Variants in PCOLCE2 observed in about 807,000 individuals in gnomAD.
PCOLCE2 encodes procollagen C-endopeptidase enhancer 2, also known as procollagen C-proteinase enhancer 2.
A neutral mutation model predicts 47.0 loss-of-function variants in PCOLCE2; 42 were observed. The observed-to-expected ratio is 0.89, with a 90% CI of 0.70 to 1.16. The LOEUF (loss-of-function observed/expected upper bound fraction) is 1.16. Ranked by LOEUF, PCOLCE2 falls within the 50% of genes most tolerant of loss-of-function variation. The probability of loss-of-function intolerance (pLI) is 0.00; values close to 1 mark genes in which losing one functional copy is unlikely to be tolerated. For missense variants in PCOLCE2, 500 were observed against 526.1 expected, an observed-to-expected ratio of 0.95 and a Z score of 0.49; for synonymous variants, 169 against 191.7, an observed-to-expected ratio of 0.88 and a Z score of 0.98.
intron 2 of PCOLCE2, among the ~76,000 whole-genome samples, chr3:142,860,172 G>A (rs961031668): frequency 6.6e-6 from 1 of 152,300 alleles, no homozygotes; most frequent in African/African-American, 2.4e-5. Flanking sequence ...AGCAACCAGT[G>A]TAATTCTTTC....
At chr3:142,837,195 C>G (rs1158931380) in intron 5 of PCOLCE2, among the ~76,000 whole-genome samples, 1 of 152,216 alleles carries the variant, frequency 6.6e-6, no homozygotes, top group Non-Finnish European at 1.5e-5. Context: ...GAAACAGATT[C>G]CCTTTCAGAG....
chr3:142,864,409 G>C (rs554989093), intron 2 of PCOLCE2: 14 of 152,030 alleles, frequency 9.2e-5, no homozygotes, highest in Non-Finnish European at 1.9e-4. Context: ...TTCAGGCCAG[G>C]GTCCTGGTAG....
At chr3:142,862,966 G>C (rs1933207778) in intron 2 of PCOLCE2, among the ~76,000 whole-genome samples, 3 of 151,776 alleles carry the variant, frequency 2.0e-5, no homozygotes, top group Non-Finnish European at 2.9e-5. Flanking sequence ...CCTAGAAATG[G>C]ACCTGCTAAA....
rs141009575 is a variant in PCOLCE2 at position 142,843,195 on chromosome 3, A to G, written c.449-147T>C. ...AGCGCTTACATTTTCTCTTAAACAT[A>G]TGGTTACATACATAACCCCCCAACA... On this transcript the variant is annotated intron_variant, in intron 3 of 8. Transcript: ENST00000295992. The G allele has an allele frequency of 8.9e-4, 672 of 757,408 alleles. 2 individuals are homozygous for G. The highest frequency in any genetic ancestry group is 6.7e-3 in the Middle Eastern group (29 of 4,360). 46.9% of individuals were successfully genotyped at this position (757,408 alleles called of 1,614,324 possible).
At chr3:142,819,952 TTCTC>T (rs950411266) in intron 8 of PCOLCE2, among the ~76,000 whole-genome samples, 1 of 151,668 alleles carries the variant, frequency 6.6e-6, no homozygotes, top group Non-Finnish European at 1.5e-5. Context: ...TTCTGTATCT[TTCTC>T]TCTCTTTCTC....
At chr3:142,863,648 G>A (rs1933226447) in intron 2 of PCOLCE2, among the ~76,000 whole-genome samples, 1 of 152,156 alleles carries the variant, frequency 6.6e-6, no homozygotes, top group Non-Finnish European at 1.5e-5. Flanking sequence ...GGTGCCAGAA[G>A]CAACAACCCG....
intron 5 of PCOLCE2, among the ~76,000 whole-genome samples, chr3:142,832,450 G>A (rs1347504555): frequency 1.3e-5 from 2 of 152,156 alleles, no homozygotes; most frequent in South Asian, 2.1e-4. Flanking sequence ...TCTCTCCCGC[G>A]TATCTTTATT....
chr3:142,832,595 A>C (rs1238512960), intron 5 of PCOLCE2, among the ~76,000 whole-genome samples: 2 of 152,194 alleles, frequency 1.3e-5, no homozygotes, highest in Admixed American at 1.3e-4. Context: ...AGACTGGGCC[A>C]AAGAACTCAA....
intron 2 of PCOLCE2, among the ~76,000 whole-genome samples, chr3:142,860,771 C>T (rs904717060): frequency 6.6e-6 from 1 of 152,204 alleles, no homozygotes; most frequent in Non-Finnish European, 1.5e-5. Context: ...CCTCTCAATA[C>T]CGGCCAGGCA....
rs894309821 is a variant in PCOLCE2 at position 142,822,164 on chromosome 3, G to A, written c.950-1119C>T. Among the ~76,000 whole-genome samples, 7 of 152,052 alleles carry A rather than the reference G, an allele frequency of 4.6e-5. No homozygotes were observed. The East Asian group carries it at 1.2e-3, about 25-fold the overall frequency. On this transcript the variant is annotated intron_variant, in intron 7 of 8. Transcript: ENST00000295992. Reference sequence around the variant, plus strand: ...ACTCCCAACCTCAGGTGATCCACCTGCCTCGGCCTCCAAAGTACTGGGATT... The same window carrying A: ...ACTCCCAACCTCAGGTGATCCACCTACCTCGGCCTCCAAAGTACTGGGATT...
In PCOLCE2 at chr3:142,829,863, G is replaced by A. The variant is rs370191774; in HGVS notation, c.711-17C>T. On this transcript the variant is annotated splice_polypyrimidine_tract_variant and intron_variant, in intron 5 of 8. Transcript: ENST00000295992. Reference sequence around the variant, plus strand: ...ACAATTGGCCTAAAAAAAGAAAAATGTGTTTTTTTATAAATACTTAAAAGT... The same window carrying A: ...ACAATTGGCCTAAAAAAAGAAAAATATGTTTTTTTATAAATACTTAAAAGT... 34 of 1,487,556 alleles carry A rather than the reference G, an allele frequency of 2.3e-5. No homozygotes were observed. The African/African-American group carries it at 3.5e-4, about 15-fold the overall frequency. The allele number at this position is 1,487,556 out of a possible 1,614,324, so 92.1% of individuals were successfully genotyped here.
intron 2 of PCOLCE2, among the ~76,000 whole-genome samples, chr3:142,856,039 T>G (rs1165693194): frequency 6.6e-6 from 1 of 152,196 alleles, no homozygotes; most frequent in East Asian, 1.9e-4. Flanking sequence ...TATAGACACC[T>G]TTGTTGTTTG....
rs2108198584 is a variant in PCOLCE2, at chr3:142,850,630, C to T, written c.193-2158G>A. Among the ~76,000 whole-genome samples the T allele has an allele frequency of 1.3e-5, 2 of 152,302 alleles. 1 individual carries two copies. Among genetic ancestry groups the T allele is most frequent in the Middle Eastern group, 6.8e-3 (2 of 294 alleles). Reference sequence around the variant, plus strand: ...TGAGAAAGACCAGTGGATTTAGCAACACAGAAGTTTAGCAACCAGAAGTCA... The same window carrying T: ...TGAGAAAGACCAGTGGATTTAGCAATACAGAAGTTTAGCAACCAGAAGTCA... On this transcript the variant is annotated intron_variant, in intron 2 of 8. Coordinates refer to ENST00000295992, the MANE Select transcript of PCOLCE2 (RefSeq NM_013363.4).
chr3:142,880,101 T>C (rs1302111183), intron 2 of PCOLCE2, among the ~76,000 whole-genome samples: 1 of 150,056 alleles, frequency 6.7e-6, no homozygotes, highest in Non-Finnish European at 1.5e-5. Context: ...TAGCCTTGGA[T>C]ATGCAAACAT....
At chr3:142,873,609 G>C (rs1560140866) in intron 2 of PCOLCE2, among the ~76,000 whole-genome samples, 1 of 152,074 alleles carries the variant, frequency 6.6e-6, no homozygotes, top group Admixed American at 6.6e-5. Flanking sequence ...TATTTCAACT[G>C]ACTAGCGGAA....
chr3:142,835,272 C>G (rs1022478827), intron 5 of PCOLCE2, among the ~76,000 whole-genome samples: 1 of 152,078 alleles, frequency 6.6e-6, no homozygotes, highest in South Asian at 2.1e-4. Flanking sequence ...TACAAGTTTA[C>G]AAGTTTAAAA....
intron 2 of PCOLCE2, among the ~76,000 whole-genome samples, chr3:142,875,244 G>A (rs539886291): frequency 9.9e-5 from 15 of 152,218 alleles, no homozygotes; most frequent in African/African-American, 3.4e-4. Context: ...AACCACTAAA[G>A]CGCAATGGCT....
At chr3:142,848,551 G>C in intron 2 of PCOLCE2, 79 bp from the exon 3 acceptor site, 1 of 1,243,510 alleles carries the variant, frequency 8.0e-7, no homozygotes, top group South Asian at 1.4e-5. Flanking sequence ...TTACTTAAGT[G>C]TGTAAAGTAT....
At chr3:142,837,230 G>A (rs1334834946) in intron 5 of PCOLCE2, among the ~76,000 whole-genome samples, 1 of 152,336 alleles carries the variant, frequency 6.6e-6, no homozygotes, top group South Asian at 2.1e-4. Flanking sequence ...CAGCCCTGCC[G>A]ACACCTTGAC....
Sources: gnomAD v4.1 joint callset for allele counts (sites outside exome capture counted in the v4.1 genomes callset) on GRCh38, gnomAD v4.1.1 for gene constraint, MANE v1.5 for transcripts, NCBI Gene and HGNC (gene_info 2026-07-23, HGNC 2026-07-21) for gene names.